Variants in NDEL1 observed in about 807,000 individuals in gnomAD.
The protein encoded by NDEL1 is nudE neurodevelopment protein 1 like 1.
A neutral mutation model predicts 45.7 loss-of-function variants in NDEL1; 9 were observed. That is an observed-to-expected ratio of 0.20 (90% confidence interval 0.12 to 0.34). The LOEUF (loss-of-function observed/expected upper bound fraction) is 0.34, where lower values mean the gene tolerates loss of function less well. NDEL1 is among the 10% of genes least tolerant of loss of function. The probability of loss-of-function intolerance (pLI) is 1.00; values close to 1 mark genes in which losing one functional copy is unlikely to be tolerated. For missense variants in NDEL1, 306 were observed against 406.2 expected, an observed-to-expected ratio of 0.75 and a Z score of 2.12; for synonymous variants, 133 against 158.6, an observed-to-expected ratio of 0.84 and a Z score of 1.21.
At chr17:8,421,520 G>A (rs1302316354) in intron 1 of NDEL1, among the ~76,000 whole-genome samples, 2 of 152,136 alleles carry the variant, frequency 1.3e-5, no homozygotes, top group Non-Finnish European at 2.9e-5. Flanking sequence ...GCTGGAGGAG[G>A]CAAGAAACTG....
In NDEL1 at chr17:8,445,727, G is replaced by A; in HGVS notation, c.103G>A (p.Asp35Asn). Residue 35 changes from aspartate to asparagine, a missense_variant, in exon 3 of 9, where the codon GAT (aspartate) becomes AAT (asparagine). This residue lies in a region of NDEL1 where 112 missense variants were observed against 148.3 expected (regional missense o/e 0.76). Coordinates refer to ENST00000334527, the MANE Select transcript of NDEL1 (RefSeq NM_030808.5). ...KYKQSFQEAR[D>N]ELVEFQEGSR... Reference sequence around the variant, plus strand: ...TCTGATTAGCTTCCAGGAAGCTCGGGATGAGCTAGTTGAATTCCAGGAAGG... The same window carrying A: ...TCTGATTAGCTTCCAGGAAGCTCGGAATGAGCTAGTTGAATTCCAGGAAGG... 1 of 1,594,548 alleles carries A rather than the reference G, an allele frequency of 6.3e-7. No individual in the cohort carries two copies. The highest frequency in any genetic ancestry group is 8.5e-7 in the Non-Finnish European group (1 of 1,173,042).
intron 1 of NDEL1, among the ~76,000 whole-genome samples, chr17:8,427,179 T>A (rs1368341855): frequency 6.6e-6 from 1 of 152,190 alleles, no homozygotes; most frequent in East Asian, 1.9e-4. Context: ...GATAAACTGA[T>A]GGGAGAGCTG....
At chr17:8,452,829 T>A (rs377128808) in intron 6 of NDEL1, among the ~76,000 whole-genome samples, 3 of 140,630 alleles carry the variant, frequency 2.1e-5, no homozygotes, top group East Asian at 2.3e-4. Flanking sequence ...AACTTCCGCC[T>A]CCTGGGTTCA....
chr17:8,439,210 G>A (rs2053790011), intron 1 of NDEL1, among the ~76,000 whole-genome samples: 1 of 150,852 alleles, frequency 6.6e-6, no homozygotes, highest in Non-Finnish European at 1.5e-5. Flanking sequence ...AAAGTGCTGG[G>A]ATTACAGGTG....
intron 7 of NDEL1, among the ~76,000 whole-genome samples, chr17:8,458,566 G>C (rs1338331036): frequency 3.9e-5 from 6 of 152,020 alleles, no homozygotes; most frequent in Non-Finnish European, 8.8e-5. Flanking sequence ...GTGTGTGTGT[G>C]TGTAGCTTTA....
chr17:8,463,198 A>G, intron 8 of NDEL1: 1 of 688,884 alleles, frequency 1.5e-6, no homozygotes, highest in Non-Finnish European at 2.5e-6. Flanking sequence ...CATGTGCTCT[A>G]TTTTTGTAAG....
intron 1 of NDEL1, among the ~76,000 whole-genome samples, chr17:8,441,195 A>T (rs931621167): frequency 1.6e-4 from 24 of 152,354 alleles, no homozygotes; most frequent in African/African-American, 5.8e-4. Flanking sequence ...AGAAAGGCAG[A>T]TAGGTAATCT....
At chr17:8,455,222 T>C (rs1226580111) in intron 7 of NDEL1, among the ~76,000 whole-genome samples, 1 of 152,234 alleles carries the variant, frequency 6.6e-6, no homozygotes, top group South Asian at 2.1e-4. Flanking sequence ...TCTTTGCTGC[T>C]GTCTACCGTC....
chr17:8,439,243 T>A (rs1909573445), intron 1 of NDEL1, among the ~76,000 whole-genome samples: 1 of 150,564 alleles, frequency 6.6e-6, no homozygotes, highest in Admixed American at 6.6e-5. Flanking sequence ...CCCGGCCTTT[T>A]TTTTTTTCTT....
At chr17:8,416,847 T>G (rs1238194191) in intron 1 of NDEL1, among the ~76,000 whole-genome samples, 1 of 152,218 alleles carries the variant, frequency 6.6e-6, no homozygotes, top group African/African-American at 2.4e-5. Context: ...ATCTCCTGTT[T>G]GGGTGATCTG....
intron 1 of NDEL1, among the ~76,000 whole-genome samples, chr17:8,424,731 C>T (rs1166112847): frequency 6.6e-6 from 1 of 152,224 alleles, no homozygotes; most frequent in Non-Finnish European, 1.5e-5. Context: ...GTCTCGATCT[C>T]CTGACCTCGT....
intron 1 of NDEL1, among the ~76,000 whole-genome samples, chr17:8,415,006 G>T (rs1908510959): frequency 6.6e-6 from 1 of 152,006 alleles, no homozygotes; most frequent in African/African-American, 2.4e-5. Context: ...TCTTGGATTG[G>T]TTTCTCCCCA....
chr17:8,435,486 G>A (rs1242834979), upstream of NDEL1, among the ~76,000 whole-genome samples: 3 of 152,234 alleles, frequency 2.0e-5, no homozygotes, highest in Non-Finnish European at 1.5e-5. Flanking sequence ...GAATGCTCCT[G>A]ATGTTCCATT....
At chr17:8,471,631 G>A (rs901408346), downstream of NDEL1, among the ~76,000 whole-genome samples, 29 of 152,378 alleles carry the variant, frequency 1.9e-4, no homozygotes, top group Admixed American at 1.6e-3. Flanking sequence ...AGGGGTTGAA[G>A]TCCGGGGCCA....
downstream of NDEL1, among the ~76,000 whole-genome samples, chr17:8,469,759 A>G (rs1293138416): frequency 6.7e-6 from 1 of 148,692 alleles, no homozygotes; most frequent in Non-Finnish European, 1.5e-5. Flanking sequence ...GCTGGAGTGC[A>G]GTGGCGTGAT....
intron 1 of NDEL1, among the ~76,000 whole-genome samples, chr17:8,415,904 T>A (rs1202376351): frequency 6.6e-6 from 1 of 152,130 alleles, no homozygotes; most frequent in Admixed American, 6.6e-5. Flanking sequence ...CCTGCCACCA[T>A]GTCCGGCTAC....
downstream of NDEL1, among the ~76,000 whole-genome samples, chr17:8,470,890 C>T (rs1207049165): frequency 6.6e-6 from 1 of 152,206 alleles, no homozygotes; most frequent in Admixed American, 6.5e-5. The surrounding 1 kb of genome is among the most constrained non-coding windows in gnomAD (Gnocchi z 4.2). Context: ...CTCCGCCTTT[C>T]TTGGCAGCTG....
At chr17:8,459,189 A>C (rs575537424) in intron 7 of NDEL1, among the ~76,000 whole-genome samples, 1 of 152,072 alleles carries the variant, frequency 6.6e-6, no homozygotes, top group African/African-American at 2.4e-5. Context: ...GTATATATAT[A>C]TTTTGCCATG....
At chr17:8,457,996 A>G (rs73241274) in intron 7 of NDEL1, among the ~76,000 whole-genome samples, 6,010 of 152,256 alleles carry the variant, frequency 0.039, 378 homozygotes, top group African/African-American at 0.13. Flanking sequence ...GCTTCTTGAA[A>G]GCGTGTCCCC....
Sources: allele counts gnomAD v4.1 joint callset (sites outside exome capture counted in the v4.1 genomes callset), GRCh38; gene constraint gnomAD v4.1.1; regional missense constraint gnomAD v4.1.1; non-coding constraint Gnocchi (gnomAD v3.1); transcripts MANE v1.5; gene names NCBI Gene and HGNC (gene_info 2026-07-23, HGNC 2026-07-21).